The following PICALM variants were observed in gnomAD, a reference collection of about 807,000 sequenced individuals.
PICALM encodes the protein phosphatidylinositol binding clathrin assembly protein, also known as phosphatidylinositol-binding clathrin assembly protein.
Under a neutral mutation model 80.5 loss-of-function variants are expected in PICALM, and 40 were observed. The ratio of observed to expected loss-of-function variants is 0.50; its 90% CI spans 0.39 to 0.65. PICALM has a LOEUF of 0.65. PICALM is among the 30% of genes least tolerant of loss of function. The pLI, the probability that PICALM is intolerant of heterozygous loss-of-function variation, is 0.00. For missense variants in PICALM, 676 were observed against 778.9 expected (o/e 0.87, Z 1.57); for synonymous variants, 288 against 260.3 (o/e 1.11, Z -1.02).
chr11:85,991,041 A>G (rs1370862069), intron 12 of PICALM, among the ~76,000 whole-genome samples: 1 of 152,212 alleles, frequency 6.6e-6, no homozygotes, highest in East Asian at 1.9e-4. Context: ...TGCTAAAGGA[A>G]CAACAAAAGT....
intron 4 of PICALM, among the ~76,000 whole-genome samples, chr11:86,020,425 A>AG (rs2095545861): frequency 2.5e-5 from 1 of 40,148 alleles, no homozygotes; most frequent in East Asian, 2.7e-4. Flanking sequence ...CAATCTTGGG[A>AG]AAAAAAAAAA....
At chr11:86,018,360 C>T (rs999965945) in intron 4 of PICALM, among the ~76,000 whole-genome samples, 74 of 152,088 alleles carry the variant, frequency 4.9e-4, no homozygotes, top group African/African-American at 1.7e-3. Flanking sequence ...ATACAAATAA[C>T]TATTTAAGCC....
intron 1 of PICALM, among the ~76,000 whole-genome samples, chr11:86,061,723 A>G (rs1300665619): frequency 6.6e-6 from 1 of 152,232 alleles, no homozygotes. Context: ...TATTCTTACC[A>G]TATGATCCAG....
At chr11:85,966,410 T>A (rs1225800853) in intron 19 of PICALM, among the ~76,000 whole-genome samples, 4 of 152,216 alleles carry the variant, frequency 2.6e-5, no homozygotes, top group African/African-American at 9.6e-5. Flanking sequence ...ATTCAGGGAA[T>A]AGGAACAATT....
chr11:86,011,724 T>G (rs2095397019), intron 6 of PICALM, among the ~76,000 whole-genome samples: 1 of 152,250 alleles, frequency 6.6e-6, no homozygotes, highest in East Asian at 1.9e-4. Context: ...AGATTTAAAT[T>G]TTTTAAAAGT....
rs148566909 is a variant in PICALM, at chr11:85,968,387, T to G, written c.1944+6321A>C. Among the ~76,000 whole-genome samples, 706 of 152,358 alleles carry G rather than the reference T, an allele frequency of 4.6e-3. 3 individuals carry two copies. Among genetic ancestry groups the G allele is most frequent in the African/African-American group, 0.016 (679 of 41,582 alleles). On this transcript the variant is annotated intron_variant, in intron 19 of 19. Transcript: ENST00000393346. ...AGGTAATACTCTGTATTTTTCATATTGCTTCTGGGAAAATAGGCAGATTGA... is the reference window on the plus strand; with the variant it reads ...AGGTAATACTCTGTATTTTTCATATGGCTTCTGGGAAAATAGGCAGATTGA...
At chr11:86,060,672 C>T (rs2096345445) in intron 1 of PICALM, among the ~76,000 whole-genome samples, 1 of 148,106 alleles carries the variant, frequency 6.8e-6, no homozygotes, top group African/African-American at 2.5e-5. Context: ...AGGAGAAAGG[C>T]AATACAATGC....
intron 19 of PICALM, among the ~76,000 whole-genome samples, chr11:85,970,237 GAATA>G (rs1565223608): frequency 6.6e-6 from 1 of 152,062 alleles, no homozygotes; most frequent in African/African-American, 2.4e-5. Context: ...AAATAATGCA[GAATA>G]AGGAAAAGAA....
intron 3 of PICALM, chr11:86,023,451 T>C: frequency 3.0e-6 from 3 of 985,130 alleles, no homozygotes; most frequent in Non-Finnish European, 3.6e-6. Context: ...CATGCTCACA[T>C]TCCTCAGCTC....
chr11:86,055,417 T>C (rs552861695), intron 1 of PICALM, among the ~76,000 whole-genome samples: 1 of 152,304 alleles, frequency 6.6e-6, no homozygotes, highest in African/African-American at 2.4e-5. Flanking sequence ...CAACTATTTG[T>C]TACCTTCTTC....
chr11:86,019,733 G>C (rs1419973632), intron 4 of PICALM, among the ~76,000 whole-genome samples: 4 of 152,198 alleles, frequency 2.6e-5, no homozygotes, highest in Admixed American at 6.5e-5. Context: ...GATGGATTTG[G>C]AATGGCAGCA....
chr11:85,981,306 A>C, intron 16 of PICALM, 78 bp from the exon 17 acceptor site: 1 of 830,834 alleles, frequency 1.2e-6, no homozygotes, highest in Non-Finnish European at 2.0e-6. Context: ...TATAGAACAG[A>C]GTAAGATAGA....
chr11:86,058,103 C>T (rs983351521), intron 1 of PICALM, among the ~76,000 whole-genome samples: 6 of 152,062 alleles, frequency 3.9e-5, no homozygotes, highest in East Asian at 1.9e-4. Flanking sequence ...GAATACCACC[C>T]GCTATTTATT....
At chr11:86,032,501 G>C (rs1051583337) in intron 1 of PICALM, among the ~76,000 whole-genome samples, 1 of 151,990 alleles carries the variant, frequency 6.6e-6, no homozygotes, top group African/African-American at 2.4e-5. Context: ...TGGCGGGCAT[G>C]GGTAATCCCA....
chr11:85,977,585 A>C (rs1372420104), intron 17 of PICALM, among the ~76,000 whole-genome samples: 1 of 152,234 alleles, frequency 6.6e-6, no homozygotes, highest in Non-Finnish European at 1.5e-5. Flanking sequence ...ATGAAATATA[A>C]CTTTAAAAAA....
chr11:85,974,994 G>T (rs181596169), intron 18 of PICALM, among the ~76,000 whole-genome samples, 182 bp from the exon 19 acceptor site: 28 of 152,060 alleles, frequency 1.8e-4, no homozygotes, highest in Admixed American at 3.9e-4. Flanking sequence ...TTTTCTTTTG[G>T]TAAGTAAAGT....
At chr11:86,051,626 ACTCCAGC>A (rs1417805992) in intron 1 of PICALM, among the ~76,000 whole-genome samples, 320 of 152,318 alleles carry the variant, frequency 2.1e-3, no homozygotes, top group African/African-American at 7.5e-3. Context: ...GCGACACTGC[ACTCCAGC>A]CTGCGTAACA....
intron 19 of PICALM, among the ~76,000 whole-genome samples, chr11:85,973,978 A>G (rs906377414): frequency 2.0e-5 from 3 of 152,174 alleles, no homozygotes; most frequent in Non-Finnish European, 2.9e-5. Flanking sequence ...CTCATCCCAG[A>G]GTATGCCACC....
chr11:86,032,498 C>CA (rs1374257042), intron 1 of PICALM, among the ~76,000 whole-genome samples: 2 of 152,002 alleles, frequency 1.3e-5, no homozygotes, highest in Non-Finnish European at 2.9e-5. Flanking sequence ...TGGTGGCGGG[C>CA]ATGGGTAATC....
Sources: allele counts gnomAD v4.1 joint callset (sites outside exome capture counted in the v4.1 genomes callset), GRCh38; gene constraint gnomAD v4.1.1; transcripts MANE v1.5; gene names NCBI Gene and HGNC (gene_info 2026-07-23, HGNC 2026-07-21).